The following ZCCHC4 variants were observed in gnomAD, a reference collection of about 807,000 sequenced individuals.
ZCCHC4 encodes the protein zinc finger CCHC-type containing 4.
Under a neutral mutation model 67.7 loss-of-function variants are expected in ZCCHC4, and 54 were observed. The ratio of observed to expected loss-of-function variants is 0.80; its 90% CI spans 0.64 to 1.00. The LOEUF is 1.00. ZCCHC4 is among the 50% of genes least tolerant of loss of function. The pLI, the probability that ZCCHC4 is intolerant of heterozygous loss-of-function variation, is 0.00. For synonymous variants in ZCCHC4, 198 were observed against 213.5 expected, an observed-to-expected ratio of 0.93 and a Z score of 0.63; for missense variants, 609 against 617.0, an observed-to-expected ratio of 0.99 and a Z score of 0.14.
In ZCCHC4 at chr4:25,369,125, G is replaced by C. The variant is rs769039917; in HGVS notation, c.1503G>C (p.Lys501Asn). ...SMNHTSATRRKKRRERAHQYL... is the reference protein window; with the variant it reads ...SMNHTSATRRNKRRERAHQYL... ...ATCATACATCTGCTACAAGGAGAAA[G>C]AAAAGGAGGGAAAGAGCCCATCAAT... Residue 501 changes from lysine to asparagine, a missense_variant, in exon 13 of 13, where the codon AAG becomes AAC. Coordinates refer to ENST00000302874, the MANE Select transcript of ZCCHC4 (RefSeq NM_024936.3). 13 of 1,613,744 alleles carry C rather than the reference G, an allele frequency of 8.1e-6. No individual in the cohort carries two copies. The Admixed American group carries it at 1.8e-4, about 23-fold the overall frequency.
At chr4:25,339,988 C>T (rs757563046) in intron 5 of ZCCHC4, among the ~76,000 whole-genome samples, 1 of 152,010 alleles carries the variant, frequency 6.6e-6, no homozygotes, top group Non-Finnish European at 1.5e-5. Flanking sequence ...CCTGCCTCAG[C>T]CTCCCGAGTA....
At chr4:25,367,901 G>T (rs1577357037) in intron 12 of ZCCHC4, among the ~76,000 whole-genome samples, 1 of 152,264 alleles carries the variant, frequency 6.6e-6, no homozygotes, top group South Asian at 2.1e-4. Context: ...CTGGAATCAA[G>T]CTGGTTCTGC....
chr4:25,349,638 C>T lies in ZCCHC4; in HGVS notation c.906C>T (p.Ser302=). 6.2e-7 allele frequency: 1 copy of T among 1,613,506 alleles called. No individual in the cohort carries two copies. The highest frequency in any genetic ancestry group is 8.5e-7 in the Non-Finnish European group (1 of 1,179,750). ...KLIAMWKEGQ[S]QDDSHKELPI... is the part of the protein sequence containing the mutation. ...TTGCTATGTGGAAAGAAGGTCAAAG[C>T]CAAGGTGTATAATTTATTACTGCAA... Residue 302 remains serine (S), a synonymous_variant, in exon 7 of 13, where the codon AGC becomes AGT. Coordinates refer to ENST00000302874, the MANE Select transcript of ZCCHC4 (RefSeq NM_024936.3).
chr4:25,333,090 A>G (rs1025566905), intron 3 of ZCCHC4, 93 bp from the exon 4 acceptor site: 1 of 1,324,512 alleles, frequency 7.5e-7, no homozygotes. Context: ...TAGGAAGTAA[A>G]AATACTTTTT....
intron 10 of ZCCHC4, among the ~76,000 whole-genome samples, chr4:25,363,263 CATATAGT>C (rs977299801): frequency 2.6e-5 from 4 of 152,214 alleles, no homozygotes; most frequent in African/African-American, 9.6e-5. Flanking sequence ...CAGTTGGAAT[CATATAGT>C]ATATAGCCTT....
At chr4:25,325,194 A>G (rs545525029) in intron 3 of ZCCHC4, among the ~76,000 whole-genome samples, 18 of 119,608 alleles carry the variant, frequency 1.5e-4, no homozygotes, top group Admixed American at 1.4e-3. Context: ...CAGTGAGCCG[A>G]GATCTCGCCA....
chr4:25,366,402 G>A (rs1260668234), intron 12 of ZCCHC4: 5 of 452,414 alleles, frequency 1.1e-5, no homozygotes, highest in South Asian at 9.8e-5. Context: ...TGTAAGCTCC[G>A]CCTCCCGGGT....
intron 1 of ZCCHC4, 59 bp downstream of exon 1, chr4:25,312,995 G>A (rs1718037042): frequency 6.3e-7 from 1 of 1,591,012 alleles, no homozygotes; most frequent in Non-Finnish European, 8.5e-7. Flanking sequence ...AGTTGGCTTG[G>A]AAGTGGCTTT....
Position 25,369,043 on chromosome 4 carries a change from A to G in ZCCHC4, c.1421A>G (p.Gln474Arg). The change falls in exon 13 of 13, where the codon CAG becomes CGG. Residue 474 changes from glutamine (Q) to arginine (R), a missense_variant. Gln to Arg is a conservative substitution (Grantham distance 43). Transcript: ENST00000302874. ...TTGTTTTCCAGAGCTGTCAGAAAGC[A>G]GAAGCAAAGAAAAAGTAATAAGATG... The part of the protein sequence containing the change: ...SKRANKAVRK[Q>R]KQRKSNKMKM... The G allele has an allele frequency of 6.2e-7, 1 of 1,611,068 alleles. No homozygotes were observed.
chr4:25,347,015 G>A (rs1239383516), intron 6 of ZCCHC4, among the ~76,000 whole-genome samples: 1 of 152,184 alleles, frequency 6.6e-6, no homozygotes, highest in Admixed American at 6.5e-5. Context: ...CTAACAGAGG[G>A]AAGTGAAGTT....
At chr4:25,356,207 T>C (rs1172321273) in intron 8 of ZCCHC4, among the ~76,000 whole-genome samples, 5 of 152,192 alleles carry the variant, frequency 3.3e-5, no homozygotes, top group Admixed American at 6.5e-5. Flanking sequence ...TATTTGAAAA[T>C]GCCTCTCATC....
intron 3 of ZCCHC4, among the ~76,000 whole-genome samples, chr4:25,323,958 C>T (rs952665787): frequency 5.4e-5 from 8 of 147,016 alleles, no homozygotes; most frequent in Non-Finnish European, 1.0e-4. Context: ...ATAGATTAGT[C>T]GGCATTTTCT....
At chr4:25,326,595 A>G (rs762697976) in intron 3 of ZCCHC4, among the ~76,000 whole-genome samples, 3 of 152,026 alleles carry the variant, frequency 2.0e-5, no homozygotes, top group Non-Finnish European at 4.4e-5. Flanking sequence ...GATTACTGTG[A>G]CTTTATAATG....
At position 25,337,874 on chromosome 4, in the gene ZCCHC4, TACAA is replaced by T. The variant is rs370621177; in HGVS notation, c.686+3890_686+3893del. The stretch of plus-strand genomic sequence containing the variant: ...TCAAGCTATTTTTAGTGGACTTACT[TACAA>T]ACAGAGACTAGGTGATACCATAGTG... On this transcript the variant is annotated intron_variant, in intron 5 of 12. Transcript: ENST00000302874. Among the ~76,000 whole-genome samples the T allele has an allele frequency of 5.0e-3, 759 of 152,286 alleles. 4 individuals are homozygous for T. Among genetic ancestry groups the T allele is most frequent in the African/African-American group, 0.017 (717 of 41,570 alleles).
At chr4:25,348,821 C>G (rs998494987) in intron 6 of ZCCHC4, among the ~76,000 whole-genome samples, 3 of 152,152 alleles carry the variant, frequency 2.0e-5, no homozygotes, top group Non-Finnish European at 2.9e-5. Flanking sequence ...CTCTTAATAA[C>G]TTCACTTATA....
chr4:25,347,837 G>C (rs1168154115), intron 6 of ZCCHC4, among the ~76,000 whole-genome samples: 2 of 152,158 alleles, frequency 1.3e-5, no homozygotes, highest in African/African-American at 4.8e-5. Context: ...ATGTAGAGAG[G>C]ATGGCTAATT....
chr4:25,353,508 T>C (rs1380227275), intron 8 of ZCCHC4, among the ~76,000 whole-genome samples: 1 of 152,232 alleles, frequency 6.6e-6, no homozygotes, highest in East Asian at 1.9e-4. Flanking sequence ...ATAGCTGACA[T>C]ATTCTAAAGA....
chr4:25,349,603 A>G lies in ZCCHC4; in HGVS notation c.871A>G (p.Lys291Glu). 1 of 1,613,988 alleles carries G rather than the reference A, an allele frequency of 6.2e-7. No individual in the cohort carries two copies. Among genetic ancestry groups the G allele is most frequent in the Non-Finnish European group, 8.5e-7 (1 of 1,179,900 alleles). Residue 291 changes from lysine to glutamate, a missense_variant, in exon 7 of 13, where the codon AAG (lysine) becomes GAG (glutamate). Lys to Glu is a moderately conservative substitution (Grantham distance 56). Transcript: ENST00000302874. Reference protein sequence around the residue: ...GLVEPLAITFKKLIAMWKEGQ... With the variant: ...GLVEPLAITFEKLIAMWKEGQ... ...GGTTGAACCTCTGGCTATTACATTC[A>G]AGAAGTTAATTGCTATGTGGAAAGA...
At chr4:25,314,376 C>T (rs1718133952) in intron 2 of ZCCHC4, among the ~76,000 whole-genome samples, 1 of 152,156 alleles carries the variant, frequency 6.6e-6, no homozygotes, top group South Asian at 2.1e-4. Flanking sequence ...CTTATTTCCC[C>T]ATAAGACTCT....
Sources: gnomAD v4.1 joint callset for allele counts (sites outside exome capture counted in the v4.1 genomes callset) on GRCh38, gnomAD v4.1.1 for gene constraint, MANE v1.5 for transcripts, NCBI Gene and HGNC (gene_info 2026-07-23, HGNC 2026-07-21) for gene names.